PGGT1B: variants seen among roughly 807,000 people sequenced by gnomAD.
PGGT1B encodes the protein geranylgeranyl transferase type-1 subunit beta.
In PGGT1B, 30 loss-of-function variants were observed where a neutral mutation model predicts 46.1. The observed-to-expected ratio is 0.65, with a 90% CI of 0.49 to 0.88. The LOEUF is 0.88. Ranked by LOEUF, PGGT1B falls within the 40% of genes least tolerant of loss-of-function variation. The probability of loss-of-function intolerance (pLI) is 0.00; values close to 1 mark genes in which losing one functional copy is unlikely to be tolerated. For missense variants in PGGT1B, 376 were observed against 455.9 expected, an observed-to-expected ratio of 0.82 and a Z score of 1.60; for synonymous variants, 170 against 160.0, an observed-to-expected ratio of 1.06 and a Z score of -0.47.
Position 115,209,887 on chromosome 5 carries a change from A to C in PGGT1B, c.*2515T>G, listed in dbSNP as rs1756172312. On this transcript the variant is annotated 3_prime_UTR_variant, in exon 9 of 9. Transcript: ENST00000419445. ...TTATCCACGGCAGAGTTAGGGTCCA[A>C]GATCATGCTGCTGAACTGGCAAATC... 6.6e-6 allele frequency: 1 copy of C among 152,034 alleles called. No homozygotes were observed. Among genetic ancestry groups the C allele is most frequent in the Non-Finnish European group, 1.5e-5 (1 of 67,980 alleles). The allele number at this position is 152,034 out of a possible 1,614,324, so 9.4% of individuals were successfully genotyped here. A position where few individuals can be genotyped will look rare whatever the true frequency, so the allele number is the denominator to read the frequency against.
rs1222385638 is a variant in PGGT1B at position 115,226,041 on chromosome 5, A to G, written c.659-4033T>C. Among the ~76,000 whole-genome samples the G allele has an allele frequency of 5.4e-5, 8 of 148,518 alleles. No homozygotes were observed. The East Asian group carries it at 1.0e-3, about 19-fold the overall frequency. On this transcript the variant is annotated intron_variant, in intron 6 of 8. Coordinates refer to ENST00000419445, the MANE Select transcript of PGGT1B (RefSeq NM_005023.4). ...ATATTTTAAAAGAATCATGGAACCA[A>G]ATTAATTTATCTGAACTGCATTATG...
At chr5:115,247,996 C>T (rs910953333) in intron 2 of PGGT1B, among the ~76,000 whole-genome samples, 3 of 152,152 alleles carry the variant, frequency 2.0e-5, no homozygotes, top group Admixed American at 1.3e-4. Flanking sequence ...AAATATGCAA[C>T]ACGCTTGACT....
At chr5:115,213,608 C>G (rs1756312290) in intron 8 of PGGT1B, among the ~76,000 whole-genome samples, 1 of 151,982 alleles carries the variant, frequency 6.6e-6, no homozygotes, top group Non-Finnish European at 1.5e-5. Context: ...TCCATCTCTA[C>G]AAAAAATACA....
At chr5:115,247,659 T>C (rs1429865392) in intron 2 of PGGT1B, among the ~76,000 whole-genome samples, 2 of 152,112 alleles carry the variant, frequency 1.3e-5, no homozygotes, top group Non-Finnish European at 2.9e-5. Context: ...ACAAGGTAAA[T>C]GAAACATTCA....
intron 5 of PGGT1B, among the ~76,000 whole-genome samples, chr5:115,234,346 G>T (rs1259611109): frequency 6.6e-6 from 1 of 151,958 alleles, no homozygotes; most frequent in African/African-American, 2.4e-5. Flanking sequence ...CCTACAGGGT[G>T]ACAGGGAACA....
chr5:115,214,967 C>T (rs1756368126), intron 8 of PGGT1B, among the ~76,000 whole-genome samples: 1 of 152,202 alleles, frequency 6.6e-6, no homozygotes, highest in Non-Finnish European at 1.5e-5. Flanking sequence ...ACTTTGAAAG[C>T]AATGTACACT....
Position 115,218,843 on chromosome 5 carries a change from T to G in PGGT1B, c.844-1870A>C, listed in dbSNP as rs75107099. On this transcript the variant is annotated intron_variant, in intron 7 of 8. Coordinates refer to ENST00000419445, the MANE Select transcript of PGGT1B (RefSeq NM_005023.4). Reference sequence around the variant, plus strand: ...TCCAAAAGGAAATTAAGAAAGCAATTTCATTTACAAGAGCATCTGAAATGA... The same window carrying G: ...TCCAAAAGGAAATTAAGAAAGCAATGTCATTTACAAGAGCATCTGAAATGA... 6.4e-3 allele frequency among the ~76,000 whole-genome samples: 965 copies of G among 151,942 alleles called. 4 individuals are homozygous for G. The highest frequency in any genetic ancestry group is 0.014 in the Middle Eastern group (4 of 294).
At chr5:115,260,972 C>G (rs549590902) in intron 1 of PGGT1B, among the ~76,000 whole-genome samples, 1 of 152,314 alleles carries the variant, frequency 6.6e-6, no homozygotes, top group South Asian at 2.1e-4. Flanking sequence ...ATAGTGATAG[C>G]TGCAAGCAAA....
chr5:115,228,233 G>T (rs1305801374), intron 6 of PGGT1B, among the ~76,000 whole-genome samples: 1 of 152,130 alleles, frequency 6.6e-6, no homozygotes, highest in Non-Finnish European at 1.5e-5. Flanking sequence ...ACAGTTTTGG[G>T]TGCCATCAAC....
chr5:115,208,962 A>T lies in PGGT1B; in HGVS notation c.*3440T>A, dbSNP rs964586995. ...TGATCTATTTATTCTCTTATTTCTT[A>T]TACTAACTTTGACTGGAGTTGGACT... On this transcript the variant is annotated 3_prime_UTR_variant, in exon 9 of 9. Transcript: ENST00000419445. The T allele has an allele frequency of 4.6e-5, 7 of 151,736 alleles. No individual in the cohort carries two copies. The highest frequency in any genetic ancestry group is 1.7e-4 in the African/African-American group (7 of 41,296). The allele number at this position is 151,736 out of a possible 1,614,324, so 9.4% of individuals were successfully genotyped here.
chr5:115,213,124 G>T (rs1371968147), intron 8 of PGGT1B, among the ~76,000 whole-genome samples: 1 of 152,190 alleles, frequency 6.6e-6, no homozygotes, highest in Non-Finnish European at 1.5e-5. Flanking sequence ...ATCCATTCTG[G>T]AATGCTGTGC....
chr5:115,249,808 T>C (rs73257403), intron 2 of PGGT1B, among the ~76,000 whole-genome samples: 4 of 152,308 alleles, frequency 2.6e-5, no homozygotes, highest in South Asian at 2.1e-4. Flanking sequence ...AGTATATATA[T>C]AGAGCTCTAC....
Position 115,208,371 on chromosome 5 carries a change from A to G in PGGT1B, c.*4031T>C, listed in dbSNP as rs1280513120. ...GGTTTGGTAGAAATCCCCTTGAAAC[A>G]ATCTGGGCTTGATGCTTCTTTTGGT... On this transcript the variant is annotated 3_prime_UTR_variant, in exon 9 of 9. Transcript: ENST00000419445. 1 of 151,962 alleles carries G rather than the reference A, an allele frequency of 6.6e-6. No homozygotes were observed. The highest frequency in any genetic ancestry group is 1.5e-5 in the Non-Finnish European group (1 of 67,932). The allele number at this position is 151,962 out of a possible 1,614,324, so 9.4% of individuals were successfully genotyped here. A position where few individuals can be genotyped will look rare whatever the true frequency, so the allele number is the denominator to read the frequency against.
In PGGT1B at chr5:115,209,168, T is replaced by C. The variant is rs1756149398; in HGVS notation, c.*3234A>G. ...TATATAATGTCTCTGTGTCTTGGCC[T>C]TTCTTCCCAATACTTATCTAGATCT... On this transcript the variant is annotated 3_prime_UTR_variant, in exon 9 of 9. Coordinates refer to ENST00000419445, the MANE Select transcript of PGGT1B (RefSeq NM_005023.4). 6.6e-6 allele frequency: 1 copy of C among 152,114 alleles called. No homozygotes were observed. The highest frequency in any genetic ancestry group is 6.6e-5 in the Admixed American group (1 of 15,244). The allele number at this position is 152,114 out of a possible 1,614,324, so 9.4% of individuals were successfully genotyped here.
intron 6 of PGGT1B, among the ~76,000 whole-genome samples, 197 bp from the exon 7 acceptor site, chr5:115,222,205 T>G (rs1346556666): frequency 1.3e-5 from 2 of 152,134 alleles, no homozygotes; most frequent in Non-Finnish European, 1.5e-5. Context: ...TATAAAGCTA[T>G]AAGAAACATT....
intron 1 of PGGT1B, among the ~76,000 whole-genome samples, chr5:115,259,239 A>C (rs1748448464): frequency 6.6e-6 from 1 of 152,158 alleles, no homozygotes; most frequent in Admixed American, 6.5e-5. Flanking sequence ...ACCACCTGAG[A>C]TGCGTGTTAT....
In PGGT1B at chr5:115,246,380, T is replaced by C. The variant is rs569597597; in HGVS notation, c.260-4774A>G. 1.6e-4 allele frequency among the ~76,000 whole-genome samples: 24 copies of C among 152,076 alleles called. No homozygotes were observed. The South Asian group carries it at 5.0e-3, about 32-fold the overall frequency. The stretch of plus-strand genomic sequence containing the variant: ...CAAAAAAAAAAAAAAAATTCACCAC[T>C]TAAAAATATTTATTAGGTACTCTTT... On this transcript the variant is annotated intron_variant, in intron 2 of 8. Coordinates refer to ENST00000419445, the MANE Select transcript of PGGT1B (RefSeq NM_005023.4).
chr5:115,253,069 T>C, intron 2 of PGGT1B, 68 bp downstream of exon 2: 1 of 1,372,432 alleles, frequency 7.3e-7, no homozygotes, highest in South Asian at 1.3e-5. Flanking sequence ...TAAGATTTTC[T>C]AGTCCAACAC....
At chr5:115,255,017 CTGACCACA>C (rs1748253542) in intron 1 of PGGT1B, among the ~76,000 whole-genome samples, 1 of 152,158 alleles carries the variant, frequency 6.6e-6, no homozygotes, top group Non-Finnish European at 1.5e-5. Context: ...TTTCACTAGA[CTGACCACA>C]TGACTCTGGG....
Sources: gnomAD v4.1 joint callset for allele counts (sites outside exome capture counted in the v4.1 genomes callset) on GRCh38, gnomAD v4.1.1 for gene constraint, MANE v1.5 for transcripts, NCBI Gene and HGNC (gene_info 2026-07-23, HGNC 2026-07-21) for gene names.